The following PRDM15 variants were observed in gnomAD, a reference collection of about 807,000 sequenced individuals.
PRDM15 encodes PR domain zinc finger protein 15.
A neutral mutation model predicts 128.6 loss-of-function variants in PRDM15; 64 were observed. That is an observed-to-expected ratio of 0.50 (90% CI 0.41 to 0.61). The LOEUF (loss-of-function observed/expected upper bound fraction) is 0.61, where lower values mean the gene tolerates loss of function less well. Ranked by LOEUF, PRDM15 falls within the 20% of genes least tolerant of loss-of-function variation. The probability of loss-of-function intolerance (pLI) is 0.00; values close to 1 mark genes in which losing one functional copy is unlikely to be tolerated. For synonymous variants in PRDM15, 615 were observed against 621.8 expected (o/e 0.99, Z 0.16); for missense variants, 1,242 against 1,569.1 (o/e 0.79, Z 3.52).
rs1166248934 is a variant in PRDM15 at position 41,828,774 on chromosome 21, G to A, written c.1367-441C>T. Among the ~76,000 whole-genome samples, 1 of 151,810 alleles carries A rather than the reference G, an allele frequency of 6.6e-6. No homozygotes were observed. Among genetic ancestry groups the A allele is most frequent in the Non-Finnish European group, 1.5e-5 (1 of 67,940 alleles). Reference sequence around the variant, plus strand: ...CCGAGCAACTGACCACCCGACCAATGTGGCCGCCCCTGCCCCCAGGATCCC... The same window carrying A: ...CCGAGCAACTGACCACCCGACCAATATGGCCGCCCCTGCCCCCAGGATCCC... On this transcript the variant is annotated intron_variant, in intron 11 of 23. Transcript: ENST00000398548. This position sits in a 1 kb window ranked among gnomAD's most constrained non-coding sequence, Gnocchi z 5.7.
In PRDM15 at chr21:41,802,993, G is replaced by A. The variant is rs2061457672; in HGVS notation, c.2734-72C>T. 13 of 1,195,790 alleles carry A rather than the reference G, an allele frequency of 1.1e-5. No individual in the cohort carries two copies. In the East Asian group the frequency reaches 3.0e-4, roughly 28 times the overall value. The allele number at this position is 1,195,790 out of a possible 1,614,324, so 74.1% of individuals were successfully genotyped here. A position where few individuals can be genotyped will look rare whatever the true frequency, so the allele number is the denominator to read the frequency against. On this transcript the variant is annotated intron_variant, in intron 22 of 23. Coordinates refer to ENST00000398548, the MANE Select transcript of PRDM15 (RefSeq NM_001040424.3). Reference sequence around the variant, plus strand: ...TCAGGCAGCGGCCAGGGCAGCCCCAGCACTGCCCTGGACACACTCTCCAAT... The same window carrying A: ...TCAGGCAGCGGCCAGGGCAGCCCCAACACTGCCCTGGACACACTCTCCAAT...
chr21:41,806,337 C>G (rs933603651), intron 21 of PRDM15, among the ~76,000 whole-genome samples: 1 of 27,354 alleles, frequency 3.7e-5, no homozygotes, highest in Non-Finnish European at 6.4e-5. Context: ...ACCACCATCA[C>G]CATCACCACC....
chr21:41,853,040 C>T (rs142657219), intron 5 of PRDM15, among the ~76,000 whole-genome samples: 7 of 152,330 alleles, frequency 4.6e-5, no homozygotes, highest in African/African-American at 1.2e-4. Context: ...GGGAGAGTCC[C>T]GGGACAGATT....
Position 41,871,650 on chromosome 21 carries a change from A to G in PRDM15, c.-10+7620T>C, listed in dbSNP as rs550300191. 6.3e-6 allele frequency: 10 copies of G among 1,588,086 alleles called. No individual in the cohort carries two copies. The East Asian group carries it at 2.3e-4, about 36-fold the overall frequency. On this transcript the variant is annotated intron_variant, in intron 1 of 23. Transcript: ENST00000398548. ...TAGGCCAACAGTGGGTCACGAAAGT[A>G]GACATGAGAAGCCCACTGTCCCTCT...
At chr21:41,830,025 C>A (rs2062628075) in intron 11 of PRDM15, among the ~76,000 whole-genome samples, 1 of 151,058 alleles carries the variant, frequency 6.6e-6, no homozygotes, top group African/African-American at 2.4e-5. Context: ...CTCAACACAC[C>A]ACAGAAATAT....
At chr21:41,845,450 C>T (rs879332359) in intron 6 of PRDM15, among the ~76,000 whole-genome samples, 66 of 151,564 alleles carry the variant, frequency 4.4e-4, no homozygotes, top group Admixed American at 7.9e-4. Flanking sequence ...AGCCCCCCAG[C>T]GAGAGGCTGC....
chr21:41,808,725 A>AT (rs1568890099), intron 21 of PRDM15, among the ~76,000 whole-genome samples: 2 of 147,506 alleles, frequency 1.4e-5, no homozygotes, highest in Non-Finnish European at 3.1e-5. Flanking sequence ...GTATACACAC[A>AT]TTATATATGT....
rs138426773 is a variant in PRDM15 at position 41,801,451 on chromosome 21, G to C, written c.3215C>G (p.Pro1072Arg). The C allele has an allele frequency of 1.2e-4, 188 of 1,614,102 alleles. No individual in the cohort carries two copies. Among genetic ancestry groups the C allele is most frequent in the Non-Finnish European group, 1.5e-4 (181 of 1,180,046 alleles). ...QIHPQPEASN[P>R]QSVAHFINLT... ...GTTGATGAAATGGGCCACAGACTGT[G>C]GGTTCGAGGCTTCCGGCTGGGGGTG... The change falls in exon 24 of 24, where the codon CCA (proline) becomes CGA (arginine). Residue 1072 changes from proline to arginine, a missense_variant. By Grantham distance (103) the Pro-to-Arg change is moderately radical. This residue lies in a region of PRDM15 where 602 missense variants were observed against 788.3 expected (regional missense o/e 0.76). Transcript: ENST00000398548.
intron 21 of PRDM15, among the ~76,000 whole-genome samples, chr21:41,807,374 C>G (rs2061713734): frequency 6.6e-6 from 1 of 152,132 alleles, no homozygotes; most frequent in Admixed American, 6.5e-5. Flanking sequence ...TTTAACTTAA[C>G]TAGTTAAATT....
intron 7 of PRDM15, among the ~76,000 whole-genome samples, chr21:41,838,595 A>G (rs950203853): frequency 6.6e-6 from 1 of 152,244 alleles, no homozygotes; most frequent in Admixed American, 6.5e-5. Flanking sequence ...GGTTTCTACC[A>G]CTTTGCCTAC....
chr21:41,874,502 C>CAT (rs756151491), intron 1 of PRDM15, among the ~76,000 whole-genome samples: 4,127 of 118,462 alleles, frequency 0.035, 159 homozygotes, highest in Non-Finnish European at 0.05. Flanking sequence ...AAGCAGCATG[C>CAT]ATATATATAT....
In PRDM15 at chr21:41,821,776, G is replaced by A. The variant is rs1313599098; in HGVS notation, c.1896+127C>T. 1.1e-5 allele frequency: 13 copies of A among 1,188,752 alleles called. No homozygotes were observed. Among genetic ancestry groups the A allele is most frequent in the Non-Finnish European group, 1.4e-5 (12 of 828,560 alleles). 73.6% of individuals were successfully genotyped at this position (1,188,752 alleles called of 1,614,324 possible). On this transcript the variant is annotated intron_variant, in intron 15 of 23. Transcript: ENST00000398548. This position sits in a 1 kb window ranked among gnomAD's most constrained non-coding sequence, Gnocchi z 5.4. The stretch of plus-strand genomic sequence containing the variant: ...CCAGTCTGCAGTAGGACCACTGGCC[G>A]GAGCCTTTGGGGAGGGAGGGCTGCT...
chr21:41,804,109 G>A (rs138546595), intron 22 of PRDM15, among the ~76,000 whole-genome samples: 3,911 of 151,994 alleles, frequency 0.026, 179 homozygotes, highest in African/African-American at 0.089. Context: ...GATTACAGGC[G>A]TGCACTACCA....
rs187881440 is a variant in PRDM15 at position 41,828,301 on chromosome 21, T to G, written c.1399A>C (p.Arg467=). Residue 467 remains arginine (R), a synonymous_variant, in exon 12 of 24, where the codon AGA becomes CGA. Transcript: ENST00000398548. This position sits in a 1 kb window ranked among gnomAD's most constrained non-coding sequence, Gnocchi z 5.7. ...AGGTTGCTGTTGGTGGAGAAGAATC[T>G]GAAACACATCTCACATTGGAACGTC... is the stretch of plus-strand genomic sequence containing the variant. The part of the protein sequence containing the change: ...DKTFQCEMCF[R]FFSTNSNLSK... 6.8e-6 allele frequency: 11 copies of G among 1,614,006 alleles called. No individual in the cohort carries two copies. In the East Asian group the frequency reaches 2.5e-4, roughly 36 times the overall value.
intron 11 of PRDM15, among the ~76,000 whole-genome samples, chr21:41,829,238 AATAC>A (rs1186605522): frequency 2.6e-4 from 38 of 145,756 alleles, no homozygotes; most frequent in African/African-American, 9.5e-4. Context: ...ACACTATGCA[AATAC>A]ATACACACCC....
intron 5 of PRDM15, among the ~76,000 whole-genome samples, chr21:41,852,910 G>A (rs1353134015): frequency 5.3e-5 from 8 of 152,212 alleles, no homozygotes; most frequent in African/African-American, 1.4e-4. Context: ...ATCCAATGAC[G>A]GGTGGTCTTA....
Position 41,810,485 on chromosome 21 carries a change from CAT to C in PRDM15, c.2477-158_2477-157del. On this transcript the variant is annotated intron_variant, in intron 20 of 23. Transcript: ENST00000398548. The surrounding 1 kb of genome is among the most constrained non-coding windows in gnomAD (Gnocchi z 6.4). ...GGGCCGGTGCTGGTCCCCGAGCACACATGAGCACAGAGCCTCTGTCCCTTGGG... is the reference window on the plus strand; with the variant it reads ...GGGCCGGTGCTGGTCCCCGAGCACACGAGCACAGAGCCTCTGTCCCTTGGG... 1.3e-6 allele frequency: 1 copy of C among 789,180 alleles called. No homozygotes were observed. Among genetic ancestry groups the C allele is most frequent in the Non-Finnish European group, 2.0e-6 (1 of 496,410 alleles). 48.9% of individuals were successfully genotyped at this position (789,180 alleles called of 1,614,324 possible).
chr21:41,843,168 T>C (rs1453733088), intron 6 of PRDM15, among the ~76,000 whole-genome samples: 1 of 152,208 alleles, frequency 6.6e-6, no homozygotes, highest in Non-Finnish European at 1.5e-5. Flanking sequence ...CTGGAGTTAA[T>C]TAATGCCTTA....
intron 1 of PRDM15, chr21:41,861,949 C>A (rs756811004): frequency 6.2e-7 from 1 of 1,613,736 alleles, no homozygotes; most frequent in South Asian, 1.1e-5. Context: ...GTATCTCGTG[C>A]GGCTCTAGCA....
Sources: gnomAD v4.1 joint callset for allele counts (sites outside exome capture counted in the v4.1 genomes callset) on GRCh38, gnomAD v4.1.1 for gene constraint, gnomAD v4.1.1 regional missense constraint, Gnocchi (gnomAD v3.1) non-coding constraint, MANE v1.5 for transcripts, NCBI Gene and HGNC (gene_info 2026-07-23, HGNC 2026-07-21) for gene names.